The following CEP192 variants were observed in gnomAD, a reference collection of about 807,000 sequenced individuals.
CEP192 encodes centrosomal protein of 192 kDa.
A neutral mutation model predicts 271.8 loss-of-function variants in CEP192; 151 were observed. The observed-to-expected ratio is 0.56, with a 90% CI of 0.49 to 0.64. The LOEUF (loss-of-function observed/expected upper bound fraction) is 0.64. Ranked by LOEUF, CEP192 falls within the 30% of genes least tolerant of loss-of-function variation. The pLI, the probability that CEP192 is intolerant of heterozygous loss-of-function variation, is 0.00. For synonymous variants in CEP192, 995 were observed against 1,076.5 expected (o/e 0.92, Z 1.48); for missense variants, 2,910 against 3,020.5 (o/e 0.96, Z 0.86).
intron 38 of CEP192, among the ~76,000 whole-genome samples, chr18:13,103,096 C>T (rs184806347): frequency 5.9e-5 from 9 of 152,202 alleles, no homozygotes; most frequent in Admixed American, 1.3e-4. Context: ...GCCACACATG[C>T]GCATGTCTTT....
At chr18:13,116,236 C>T (rs3786163) in intron 42 of CEP192, 141 bp from the exon 43 acceptor site, 113,120 of 810,678 alleles carry the variant, frequency 0.14, 9,015 homozygotes, top group East Asian at 0.28. Flanking sequence ...TTAGATAAGT[C>T]GTCATTACAA....
chr18:13,018,495 A>G lies in CEP192; in HGVS notation c.805A>G (p.Ser269Gly), dbSNP rs1221116075. 6.5e-7 allele frequency: 1 copy of G among 1,531,780 alleles called. No homozygotes were observed. Among genetic ancestry groups the G allele is most frequent in the Non-Finnish European group, 8.8e-7 (1 of 1,134,722 alleles). The allele number at this position is 1,531,780 out of a possible 1,614,324, so 94.9% of individuals were successfully genotyped here. ...CTTTCAACAGGCAAATGAAAACGGT[A>G]GCTTAAACTGCAAGTTTCAATCAGA... ...NGLRQANENGSLNCKFQSENN... is the reference protein window; with the variant it reads ...NGLRQANENGGLNCKFQSENN... Residue 269 changes from serine (S) to glycine (G), a missense_variant, in exon 8 of 45, where the codon AGC becomes GGC. Physicochemically the swap from Ser to Gly is moderately conservative, Grantham distance 56. Transcript: ENST00000506447.
At chr18:13,116,006 G>C (rs2040411879) in intron 42 of CEP192, among the ~76,000 whole-genome samples, 1 of 152,178 alleles carries the variant, frequency 6.6e-6, no homozygotes, top group Non-Finnish European at 1.5e-5. Flanking sequence ...ATTGCCTGGA[G>C]GCCACACCTG....
At chr18:13,043,195 T>C (rs2036301079) in intron 15 of CEP192, among the ~76,000 whole-genome samples, 1 of 152,250 alleles carries the variant, frequency 6.6e-6, no homozygotes, top group African/African-American at 2.4e-5. Flanking sequence ...TTTTATGAAG[T>C]GCTGTCCAAG....
Position 13,087,229 on chromosome 18 carries a change from A to G in CEP192, c.5829A>G (p.Val1943=), listed in dbSNP as rs140679904. The change falls in exon 31 of 45, where the codon GTA becomes GTG. Residue 1943 remains valine, a synonymous_variant. Coordinates refer to ENST00000506447, the MANE Select transcript of CEP192 (RefSeq NM_032142.4). ...SQKKVLLDPK[V]LRIFPDKFVL... Reference sequence around the variant, plus strand: ...AAAAAGTTTTGCTGGATCCTAAAGTATTGAGGATTTTTCCAGATAAATTTG... The same window carrying G: ...AAAAAGTTTTGCTGGATCCTAAAGTGTTGAGGATTTTTCCAGATAAATTTG... 1.2e-6 allele frequency: 2 copies of G among 1,611,070 alleles called. No homozygotes were observed. The highest frequency in any genetic ancestry group is 1.3e-5 in the African/African-American group (1 of 74,890).
At chr18:13,071,593 A>T (rs2038017032) in intron 28 of CEP192, among the ~76,000 whole-genome samples, 1 of 152,202 alleles carries the variant, frequency 6.6e-6, no homozygotes, top group Non-Finnish European at 1.5e-5. Context: ...GTTTTAGCAA[A>T]ACCCATGAAA....
At chr18:13,030,866 T>C (rs1019281078) in intron 11 of CEP192, among the ~76,000 whole-genome samples, 2 of 152,154 alleles carry the variant, frequency 1.3e-5, no homozygotes, top group Admixed American at 1.3e-4. Context: ...CCCCATAGTA[T>C]TGCAGGGCTG....
chr18:13,053,415 T>A (rs954104620), intron 18 of CEP192, among the ~76,000 whole-genome samples: 1 of 152,182 alleles, frequency 6.6e-6, no homozygotes, highest in African/African-American at 2.4e-5. Flanking sequence ...CAAAGGTTTC[T>A]GCAGGGATAA....
At chr18:12,996,379 G>A (rs1184476319) in intron 1 of CEP192, among the ~76,000 whole-genome samples, 2 of 151,966 alleles carry the variant, frequency 1.3e-5, no homozygotes, top group African/African-American at 4.8e-5. Context: ...TCGCTGGTGG[G>A]GAAGGCTGAA....
chr18:13,013,164 T>A, intron 5 of CEP192, 139 bp downstream of exon 5: 1 of 536,264 alleles, frequency 1.9e-6, no homozygotes, highest in Middle Eastern at 4.3e-4. Context: ...CCAGCTTCAG[T>A]AAAAATGGGA....
Position 13,057,672 on chromosome 18 carries a change from C to T in CEP192, c.4196C>T (p.Pro1399Leu). The T allele has an allele frequency of 6.2e-7, 1 of 1,614,108 alleles. No individual in the cohort carries two copies. The highest frequency in any genetic ancestry group is 1.3e-5 in the African/African-American group (1 of 75,032). ...CAGACCCTCCTCAGTGTGCTTAATC[C>T]AACTGACCGCTGGCTGCAAGTCAGC... ...ASQTLLSVLN[P>L]TDRWLQVSIG... Residue 1399 changes from proline (P) to leucine (L), a missense_variant, in exon 20 of 45, where the codon CCA (proline) becomes CTA (leucine). Pro to Leu is a moderately conservative substitution (Grantham distance 98). Transcript: ENST00000506447.
Position 13,094,863 on chromosome 18 carries a change from C to T in CEP192, c.6255-640C>T, listed in dbSNP as rs529988917. ...CATTTATACCCTTTTCTCCAGTACTCGATCCCTAGCCCCATTATCTTCAAT... is the reference window on the plus strand; with the variant it reads ...CATTTATACCCTTTTCTCCAGTACTTGATCCCTAGCCCCATTATCTTCAAT... On this transcript the variant is annotated intron_variant, in intron 34 of 44. Coordinates refer to ENST00000506447, the MANE Select transcript of CEP192 (RefSeq NM_032142.4). Among the ~76,000 whole-genome samples the T allele has an allele frequency of 8.5e-5, 13 of 152,290 alleles. No homozygotes were observed. The South Asian group carries it at 2.5e-3, about 29-fold the overall frequency.
chr18:13,094,022 C>T (rs1453090393), intron 34 of CEP192, among the ~76,000 whole-genome samples: 1 of 152,136 alleles, frequency 6.6e-6, no homozygotes, highest in Non-Finnish European at 1.5e-5. Context: ...GGAGTCCAGG[C>T]CAGTTACTTT....
chr18:13,122,538 G>A (rs1486015892), intron 44 of CEP192, among the ~76,000 whole-genome samples: 1 of 152,148 alleles, frequency 6.6e-6, no homozygotes, highest in East Asian at 1.9e-4. Flanking sequence ...CTGAGATCGT[G>A]CCACTGCACT....
intron 7 of CEP192, among the ~76,000 whole-genome samples, 180 bp from the exon 8 acceptor site, chr18:13,018,300 C>T (rs544325988): frequency 5.3e-4 from 81 of 152,308 alleles, no homozygotes; most frequent in Admixed American, 1.9e-3. Context: ...TCTTCACTAG[C>T]TGGTTTCAGT....
intron 36 of CEP192, 95 bp from the exon 37 acceptor site, chr18:13,099,381 A>G (rs962237364): frequency 1.1e-5 from 7 of 641,024 alleles, no homozygotes; most frequent in African/African-American, 9.3e-5. Context: ...CAGTGAGGAA[A>G]TGGCCATTGG....
intron 38 of CEP192, among the ~76,000 whole-genome samples, chr18:13,103,258 A>G (rs1373647760): frequency 2.0e-5 from 3 of 152,246 alleles, no homozygotes; most frequent in Non-Finnish European, 1.5e-5. Context: ...CGCTTTAAAA[A>G]TGTAAATCAT....
At chr18:13,100,836 C>T (rs890277445) in intron 38 of CEP192, among the ~76,000 whole-genome samples, 8 of 152,200 alleles carry the variant, frequency 5.3e-5, no homozygotes, top group Non-Finnish European at 1.2e-4. Flanking sequence ...GTGGGTGGAG[C>T]CTGGCTTCAT....
chr18:12,996,516 G>C (rs1228329029), intron 1 of CEP192, among the ~76,000 whole-genome samples: 1 of 152,164 alleles, frequency 6.6e-6, no homozygotes, highest in Non-Finnish European at 1.5e-5. Flanking sequence ...AAAGGCCCAA[G>C]ATGGAGGTGT....
Sources: gnomAD v4.1 joint callset for allele counts (sites outside exome capture counted in the v4.1 genomes callset) on GRCh38, gnomAD v4.1.1 for gene constraint, MANE v1.5 for transcripts, NCBI Gene and HGNC (gene_info 2026-07-23, HGNC 2026-07-21) for gene names.